DLC1: variants seen among roughly 807,000 people sequenced by gnomAD.
DLC1 encodes the protein rho GTPase-activating protein 7.
A neutral mutation model predicts 140.3 loss-of-function variants in DLC1; 54 were observed. The ratio of observed to expected loss-of-function variants is 0.38; its 90% CI spans 0.31 to 0.48. The LOEUF (loss-of-function observed/expected upper bound fraction) is 0.48, where lower values mean the gene tolerates loss of function less well. DLC1 is among the 20% of genes least tolerant of loss of function. DLC1 has a pLI of 0.96. For missense variants in DLC1, 2,536 were observed against 1,907.0 expected, an observed-to-expected ratio of 1.33 and a Z score of -6.14; for synonymous variants, 986 against 728.1, an observed-to-expected ratio of 1.35 and a Z score of -5.70.
At chr8:13,088,229 A>G (rs1817729488) in intron 16 of DLC1, among the ~76,000 whole-genome samples, 1 of 152,190 alleles carries the variant, frequency 6.6e-6, no homozygotes, top group Non-Finnish European at 1.5e-5. Context: ...ACAGGCATGC[A>G]CCACAACATC....
intron 5 of DLC1, among the ~76,000 whole-genome samples, chr8:13,238,554 C>G (rs545776069): frequency 1.4e-5 from 2 of 144,228 alleles, no homozygotes; most frequent in Admixed American, 7.0e-5. Context: ...CTCTCAGGAG[C>G]CTTTGCCCTG....
At chr8:13,130,694 T>C (rs953184500) in intron 5 of DLC1, among the ~76,000 whole-genome samples, 5 of 152,202 alleles carry the variant, frequency 3.3e-5, no homozygotes, top group Non-Finnish European at 4.4e-5. Context: ...AAATCTGCAA[T>C]TGGGAAGTTA....
At chr8:13,266,513 G>C (rs953466890) in intron 5 of DLC1, among the ~76,000 whole-genome samples, 1 of 152,198 alleles carries the variant, frequency 6.6e-6, no homozygotes, top group Non-Finnish European at 1.5e-5. Context: ...GGGAGGCTGA[G>C]GCAGGAGGAT....
At chr8:13,458,386 C>G (rs1799510105) in intron 2 of DLC1, among the ~76,000 whole-genome samples, 1 of 152,146 alleles carries the variant, frequency 6.6e-6, no homozygotes, top group African/African-American at 2.4e-5. Context: ...GCACAGAATT[C>G]TTAACTCCCA....
chr8:13,292,968 A>G (rs992963855), intron 5 of DLC1, among the ~76,000 whole-genome samples: 113 of 152,358 alleles, frequency 7.4e-4, no homozygotes, highest in African/African-American at 2.6e-3. Context: ...TACACCTGTA[A>G]CCCCAGCACT....
intron 5 of DLC1, among the ~76,000 whole-genome samples, chr8:13,204,050 T>C (rs923108140): frequency 6.6e-6 from 1 of 152,128 alleles, no homozygotes; most frequent in African/African-American, 2.4e-5. Flanking sequence ...TGTGTGTTGT[T>C]GGGGTCGGAG....
chr8:13,203,575 G>A (rs1407475797), intron 5 of DLC1, among the ~76,000 whole-genome samples: 2 of 152,178 alleles, frequency 1.3e-5, no homozygotes, highest in Non-Finnish European at 2.9e-5. Context: ...CTGGTGACAC[G>A]TCTGGACAGA....
At chr8:13,313,256 A>C (rs1205996603) in intron 4 of DLC1, among the ~76,000 whole-genome samples, 1 of 152,202 alleles carries the variant, frequency 6.6e-6, no homozygotes, top group Non-Finnish European at 1.5e-5. Context: ...TAGTTAATCA[A>C]GACTCAAGCC....
chr8:13,512,595 G>C (rs1056357679), intron 1 of DLC1, among the ~76,000 whole-genome samples: 1 of 151,984 alleles, frequency 6.6e-6, no homozygotes, highest in African/African-American at 2.4e-5. Flanking sequence ...TTAGTGAAAA[G>C]ACCCACATAG....
chr8:13,146,686 C>T (rs1373290441), intron 5 of DLC1, among the ~76,000 whole-genome samples: 1 of 152,090 alleles, frequency 6.6e-6, no homozygotes, highest in Non-Finnish European at 1.5e-5. Flanking sequence ...AAGTTGACAT[C>T]ATTACTATTG....
chr8:13,409,306 G>T (rs1379690868), intron 2 of DLC1, among the ~76,000 whole-genome samples: 3 of 151,962 alleles, frequency 2.0e-5, no homozygotes, highest in Admixed American at 6.6e-5. Context: ...TATGCTATCT[G>T]ATATACTCTC....
intron 5 of DLC1, among the ~76,000 whole-genome samples, chr8:13,228,264 C>T (rs1375653744): frequency 6.6e-6 from 1 of 150,416 alleles, no homozygotes; most frequent in African/African-American, 2.4e-5. Flanking sequence ...TATTGTGACT[C>T]ATTTCTTTTT....
At chr8:13,580,692 T>C (rs1805064376) in intron 1 of DLC1, among the ~76,000 whole-genome samples, 2 of 152,354 alleles carry the variant, frequency 1.3e-5, no homozygotes, top group South Asian at 4.1e-4. Context: ...AAATAGGTCT[T>C]GCATAATGGG....
chr8:13,426,965 G>A (rs896055723), intron 2 of DLC1, among the ~76,000 whole-genome samples: 8 of 152,094 alleles, frequency 5.3e-5, no homozygotes, highest in Admixed American at 1.3e-4. Context: ...ATAACTTGCC[G>A]TGCTTAAGTA....
intron 7 of DLC1, among the ~76,000 whole-genome samples, chr8:13,108,196 T>A (rs1819751477): frequency 6.6e-6 from 1 of 152,164 alleles, no homozygotes. Flanking sequence ...GCCCTGGGGT[T>A]TTCCATTACA....
chr8:13,555,984 G>A (rs2117369334), intron 1 of DLC1, among the ~76,000 whole-genome samples: 1 of 152,242 alleles, frequency 6.6e-6, no homozygotes, highest in South Asian at 2.1e-4. Context: ...TCAGGTAATT[G>A]GAGTTCTAGA....
At chr8:13,386,635 C>A (rs1035213117) in intron 4 of DLC1, among the ~76,000 whole-genome samples, 1 of 151,880 alleles carries the variant, frequency 6.6e-6, no homozygotes, top group Non-Finnish European at 1.5e-5. Flanking sequence ...AGTAAATGGC[C>A]GTGGAAATAT....
intron 1 of DLC1, among the ~76,000 whole-genome samples, chr8:13,574,336 A>G (rs1804764368): frequency 6.6e-6 from 1 of 152,190 alleles, no homozygotes. Context: ...TTTTAGACAT[A>G]TTTGATGACT....
At chr8:13,508,592 G>C (rs1221582285) in intron 1 of DLC1, among the ~76,000 whole-genome samples, 2 of 151,814 alleles carry the variant, frequency 1.3e-5, no homozygotes, top group East Asian at 3.9e-4. Flanking sequence ...TAATTTTTTT[G>C]TATTTTTAGT....
Sources: allele counts gnomAD v4.1 joint callset (sites outside exome capture counted in the v4.1 genomes callset), GRCh38; gene constraint gnomAD v4.1.1; transcripts MANE v1.5; gene names NCBI Gene and HGNC (gene_info 2026-07-23, HGNC 2026-07-21).